Variants in CTNNA3 observed in about 807,000 individuals in gnomAD.
The protein encoded by CTNNA3 is catenin alpha 3.
In CTNNA3, 76 loss-of-function variants were observed where a neutral mutation model predicts 95.7. The ratio of observed to expected loss-of-function variants is 0.79; its 90% confidence interval spans 0.66 to 0.96. The LOEUF is 0.96. CTNNA3 is among the 40% of genes least tolerant of loss of function. The pLI is 0.00. For synonymous variants in CTNNA3, 431 were observed against 374.4 expected, an observed-to-expected ratio of 1.15 and a Z score of -1.74; for missense variants, 1,191 against 1,089.8, an observed-to-expected ratio of 1.09 and a Z score of -1.31.
intron 5 of CTNNA3, among the ~76,000 whole-genome samples, chr10:67,350,339 T>C (rs1842584071): frequency 6.6e-6 from 1 of 152,060 alleles, no homozygotes; most frequent in Non-Finnish European, 1.5e-5. Context: ...CTGGGGACAA[T>C]GTATAGGAGA....
chr10:67,131,138 T>G (rs1488192029), intron 7 of CTNNA3, among the ~76,000 whole-genome samples: 1 of 152,102 alleles, frequency 6.6e-6, no homozygotes, highest in Non-Finnish European at 1.5e-5. Flanking sequence ...CAGAATACAC[T>G]ATGCTCTCCC....
intron 15 of CTNNA3, among the ~76,000 whole-genome samples, chr10:66,006,009 CTTT>C (rs11415177): frequency 2.6e-5 from 3 of 115,980 alleles, no homozygotes; most frequent in Non-Finnish European, 3.5e-5. Context: ...CAAGGAAAGC[CTTT>C]TTTTTTTTTT....
intron 5 of CTNNA3, among the ~76,000 whole-genome samples, chr10:67,324,701 CT>C (rs77397580): frequency 3.6e-3 from 503 of 141,592 alleles, no homozygotes; most frequent in Middle Eastern, 3.7e-3. Flanking sequence ...AAATTTTCTC[CT>C]TTTTTTTTTT....
chr10:66,733,095 C>G (rs1017331209), intron 9 of CTNNA3, among the ~76,000 whole-genome samples: 3 of 150,762 alleles, frequency 2.0e-5, no homozygotes, highest in East Asian at 4.1e-4. Context: ...CACACCTGGT[C>G]AAGTCATACC....
rs1389768436 is a variant in CTNNA3, at chr10:67,639,410, C to T, written c.99+8005G>A. Among the ~76,000 whole-genome samples the T allele has an allele frequency of 3.3e-5, 5 of 152,248 alleles. No homozygotes were observed. The East Asian group carries it at 7.7e-4, about 24-fold the overall frequency. On this transcript the variant is annotated intron_variant, in intron 2 of 17. Transcript: ENST00000433211. ...GTCCAGGACCAGACAGATTCACAGC[C>T]GAATTCTACCAGAGGTATGAGGAGG...
chr10:66,162,584 T>C (rs1427852072), intron 13 of CTNNA3, among the ~76,000 whole-genome samples: 1 of 152,126 alleles, frequency 6.6e-6, no homozygotes, highest in East Asian at 1.9e-4. Context: ...CAGCCGTGGA[T>C]ACCAGCACCT....
At chr10:66,400,370 T>A (rs908225405) in intron 11 of CTNNA3, among the ~76,000 whole-genome samples, 1 of 152,068 alleles carries the variant, frequency 6.6e-6, no homozygotes, top group Non-Finnish European at 1.5e-5. Context: ...ATTCTCTTTG[T>A]CAAGCTCTTT....
chr10:66,698,063 T>C (rs1423598649), intron 9 of CTNNA3, among the ~76,000 whole-genome samples: 6 of 152,166 alleles, frequency 3.9e-5, no homozygotes, highest in Non-Finnish European at 5.9e-5. Flanking sequence ...CAGAGATGTA[T>C]GGAAACAAGC....
intron 9 of CTNNA3, among the ~76,000 whole-genome samples, chr10:66,690,189 G>A (rs1847466166): frequency 6.6e-6 from 1 of 152,220 alleles, no homozygotes; most frequent in East Asian, 1.9e-4. Context: ...TTGAATGAAG[G>A]TTCATCAATG....
chr10:66,457,007 T>C (rs926273304), intron 11 of CTNNA3, among the ~76,000 whole-genome samples: 21 of 151,836 alleles, frequency 1.4e-4, no homozygotes, highest in African/African-American at 4.8e-4. Flanking sequence ...GGTGGGAGGA[T>C]CTCTTGAGCC....
At chr10:67,287,918 T>A (rs920198606) in intron 5 of CTNNA3, among the ~76,000 whole-genome samples, 4 of 152,202 alleles carry the variant, frequency 2.6e-5, no homozygotes, top group Non-Finnish European at 5.9e-5. Context: ...TAGAAGAGCA[T>A]CTTTGCCATC....
In CTNNA3 at chr10:65,966,627, C is replaced by A; in HGVS notation, c.2385G>T (p.Glu795Asp). 6.2e-7 allele frequency: 1 copy of A among 1,613,664 alleles called. No homozygotes were observed. Among genetic ancestry groups the A allele is most frequent in the South Asian group, 1.1e-5 (1 of 91,006 alleles). ...VKAEIQNLGG[E>D]LIMSALDSVT... is the part of the protein sequence containing the mutation. ...CAGTACTCACAGCTGACATGATGAGCTCTCCTCCCAGGTTCTGGATCTCAG... is the reference window on the plus strand; with the variant it reads ...CAGTACTCACAGCTGACATGATGAGATCTCCTCCCAGGTTCTGGATCTCAG... The change falls in exon 17 of 18, where the codon GAG (glutamate) becomes GAT (aspartate). Residue 795 changes from glutamate (E) to aspartate (D), a missense_variant. Glu to Asp is a conservative substitution (Grantham distance 45, BLOSUM62 2). Coordinates refer to ENST00000433211, the MANE Select transcript of CTNNA3 (RefSeq NM_013266.4).
chr10:66,680,786 C>T lies in CTNNA3; in HGVS notation c.1282-59002G>A, dbSNP rs773743899. Reference sequence around the variant, plus strand: ...AGAAACACTTCCAAACAGATGGATACGTAGCATGAACAAAGCTACCAAGGT... The same window carrying T: ...AGAAACACTTCCAAACAGATGGATATGTAGCATGAACAAAGCTACCAAGGT... On this transcript the variant is annotated intron_variant, in intron 9 of 17. Coordinates refer to ENST00000433211, the MANE Select transcript of CTNNA3 (RefSeq NM_013266.4). Among the ~76,000 whole-genome samples, 8 of 152,026 alleles carry T rather than the reference C, an allele frequency of 5.3e-5. 1 individual carries two copies. Among genetic ancestry groups the T allele is most frequent in the Middle Eastern group, 3.4e-3 (1 of 294 alleles).
chr10:66,840,323 A>ATCTCTT (rs1843007579), intron 7 of CTNNA3, among the ~76,000 whole-genome samples: 2 of 90,670 alleles, frequency 2.2e-5, no homozygotes, highest in African/African-American at 8.2e-5. Flanking sequence ...CCAAGAAGCC[A>ATCTCTT]TCTCTCTCTC....
chr10:67,626,148 T>C lies in CTNNA3; in HGVS notation c.100-19099A>G, dbSNP rs1391590548. On this transcript the variant is annotated intron_variant, in intron 2 of 17. Coordinates refer to ENST00000433211, the MANE Select transcript of CTNNA3 (RefSeq NM_013266.4). ...ATGAGCCATGATTACACCACTTCAC[T>C]TTAGCCTGGGCAACAGAGCAAAACC... is the stretch of plus-strand genomic sequence containing the variant. Among the ~76,000 whole-genome samples the C allele has an allele frequency of 2.0e-5, 3 of 151,232 alleles. No homozygotes were observed. In the East Asian group the frequency reaches 5.8e-4, roughly 29 times the overall value.
intron 9 of CTNNA3, among the ~76,000 whole-genome samples, chr10:66,723,565 T>G (rs1452564415): frequency 6.6e-6 from 1 of 152,200 alleles, no homozygotes; most frequent in Non-Finnish European, 1.5e-5. Flanking sequence ...TTGTTCTTGA[T>G]AAAAATGAAT....
chr10:66,926,508 C>G lies in CTNNA3; in HGVS notation c.1048-150984G>C, dbSNP rs1022123430. The G allele has an allele frequency of 2.6e-6, 4 of 1,555,016 alleles. No homozygotes were observed. The African/African-American group carries it at 5.5e-5, about 21-fold the overall frequency. ...CGAGCCCTGACTCACTACAGTGCAG[C>G]TGACAGGGGCTGTCATGCAACTGGC... On this transcript the variant is annotated intron_variant, in intron 7 of 17. Transcript: ENST00000433211.
intron 17 of CTNNA3, among the ~76,000 whole-genome samples, chr10:65,929,945 G>T (rs373377630): frequency 1.1e-4 from 16 of 152,108 alleles, no homozygotes; most frequent in East Asian, 9.7e-4. Context: ...GTGGAATAAA[G>T]CTTAGGACAA....
At position 66,319,816 on chromosome 10, in the gene CTNNA3, C is replaced by G. The variant is rs1348008429; in HGVS notation, c.1733-39195G>C. Among the ~76,000 whole-genome samples the G allele has an allele frequency of 8.5e-5, 13 of 152,132 alleles. No homozygotes were observed. In the East Asian group the frequency reaches 2.5e-3, roughly 29 times the overall value. ...AAAAACATCTTTCACTTCTTACTCC[C>G]ACTCTTCAAAGGAAGAGAGTATTTA... On this transcript the variant is annotated intron_variant, in intron 12 of 17. Coordinates refer to ENST00000433211, the MANE Select transcript of CTNNA3 (RefSeq NM_013266.4).
Sources: allele counts gnomAD v4.1 joint callset (sites outside exome capture counted in the v4.1 genomes callset), GRCh38; gene constraint gnomAD v4.1.1; transcripts MANE v1.5; gene names NCBI Gene and HGNC (gene_info 2026-07-23, HGNC 2026-07-21).